Variants in CALN1 observed in about 807,000 individuals in gnomAD.
CALN1 encodes the protein calneuron 1.
A neutral mutation model predicts 30.6 loss-of-function variants in CALN1; 17 were observed. The ratio of observed to expected loss-of-function variants is 0.56; its 90% CI spans 0.38 to 0.83. The LOEUF is 0.83. Ranked by LOEUF, CALN1 falls within the 40% of genes least tolerant of loss-of-function variation. CALN1 has a pLI of 0.00. For synonymous variants in CALN1, 156 were observed against 131.4 expected, an observed-to-expected ratio of 1.19 and a Z score of -1.28; for missense variants, 291 against 354.9, an observed-to-expected ratio of 0.82 and a Z score of 1.45.
intron 2 of CALN1, among the ~76,000 whole-genome samples, chr7:72,316,606 A>G (rs1337902871): frequency 1.3e-5 from 2 of 152,046 alleles, no homozygotes; most frequent in Non-Finnish European, 2.9e-5. Flanking sequence ...CTTATCTTTA[A>G]AAGTTTAACC....
At chr7:72,203,979 C>CTAATTTTT (rs59798860) in intron 3 of CALN1, among the ~76,000 whole-genome samples, 2 of 83,808 alleles carry the variant, frequency 2.4e-5, no homozygotes, top group South Asian at 9.4e-4. Flanking sequence ...AGGCCTCTCT[C>CTAATTTTT]TTTTTTTTTT....
intron 4 of CALN1, among the ~76,000 whole-genome samples, chr7:72,078,075 G>A (rs974456868): frequency 1.7e-4 from 26 of 152,288 alleles, no homozygotes; most frequent in Non-Finnish European, 1.5e-4. Context: ...GTAAATGAGG[G>A]AAGAATCTAT....
At chr7:72,261,495 G>C (rs760043805) in intron 3 of CALN1, among the ~76,000 whole-genome samples, 7 of 151,478 alleles carry the variant, frequency 4.6e-5, no homozygotes, top group Non-Finnish European at 1.0e-4. Context: ...TGCGATCATA[G>C]CTCACTGCAG....
intron 2 of CALN1, among the ~76,000 whole-genome samples, chr7:72,356,566 G>C (rs571514981): frequency 1.3e-5 from 2 of 151,938 alleles, no homozygotes; most frequent in South Asian, 4.1e-4. Context: ...TAACAAGGAC[G>C]ACTAAAATTG....
At chr7:72,346,173 G>A (rs190112871) in intron 2 of CALN1, among the ~76,000 whole-genome samples, 12 of 152,036 alleles carry the variant, frequency 7.9e-5, no homozygotes, top group Non-Finnish European at 1.6e-4. Context: ...AATTTTTAAA[G>A]GTCAAATGGT....
chr7:72,449,319 G>T (rs887387273), upstream of CALN1, among the ~76,000 whole-genome samples: 1 of 152,172 alleles, frequency 6.6e-6, no homozygotes, highest in East Asian at 1.9e-4. Flanking sequence ...ATCTGAGCAG[G>T]ATCATCTCTA....
intron 5 of CALN1, among the ~76,000 whole-genome samples, chr7:71,920,035 G>A (rs1382813997): frequency 6.6e-6 from 1 of 152,184 alleles, no homozygotes; most frequent in African/African-American, 2.4e-5. Flanking sequence ...TTCTTGGGAA[G>A]GTACAATGTT....
chr7:72,443,643 A>C (rs1481254978), intron 1 of CALN1, among the ~76,000 whole-genome samples: 1 of 151,754 alleles, frequency 6.6e-6, no homozygotes, highest in Non-Finnish European at 1.5e-5. Flanking sequence ...GCCTTTCCCA[A>C]GGCCAAGATC....
chr7:72,176,389 T>G (rs969453757), intron 3 of CALN1, among the ~76,000 whole-genome samples: 10 of 152,202 alleles, frequency 6.6e-5, no homozygotes, highest in Admixed American at 3.3e-4. Context: ...TCAAATCTCT[T>G]GTTGAAATAT....
At chr7:72,197,394 G>C (rs900058800) in intron 3 of CALN1, among the ~76,000 whole-genome samples, 15 of 151,818 alleles carry the variant, frequency 9.9e-5, no homozygotes, top group African/African-American at 3.6e-4. Context: ...TAGAGACGGG[G>C]TTTTGCCATG....
rs773627788 is a variant in CALN1, at chr7:71,810,348, CTGTT to C, written c.642_645del (p.Thr215SerfsTer34). 6.2e-7 allele frequency: 1 copy of C among 1,613,822 alleles called. No homozygotes were observed. The highest frequency in any genetic ancestry group is 1.3e-5 in the African/African-American group (1 of 74,924). The stretch of plus-strand genomic sequence containing the variant: ...CAGGGGCACCTACCTCCTTCAAACT[CTGTT>C]TGGCAGTTCCCCGAGGTCTCATTCA... On this transcript the variant is annotated frameshift_variant, in exon 6 of 7. Coordinates refer to ENST00000395275, the MANE Select transcript of CALN1 (RefSeq NM_031468.4). LOFTEE classifies it high-confidence loss of function.
chr7:71,985,972 ATGTAT>A (rs937793891), intron 5 of CALN1, among the ~76,000 whole-genome samples: 1 of 152,158 alleles, frequency 6.6e-6, no homozygotes, highest in African/African-American at 2.4e-5. Context: ...ATGAGACTGG[ATGTAT>A]TGATGATGGT....
At chr7:71,789,542 G>C (rs1348783625) in intron 6 of CALN1, among the ~76,000 whole-genome samples, 1 of 152,118 alleles carries the variant, frequency 6.6e-6, no homozygotes, top group African/African-American at 2.4e-5. Flanking sequence ...CTGAAGTTGG[G>C]GAAGTGGGGA....
chr7:72,181,362 T>A (rs749156520), intron 3 of CALN1, among the ~76,000 whole-genome samples: 6 of 151,852 alleles, frequency 4.0e-5, no homozygotes, highest in Non-Finnish European at 5.9e-5. Context: ...TTATTATTTT[T>A]TTACTGCTTA....
At chr7:71,903,627 C>T (rs1282717506) in intron 5 of CALN1, among the ~76,000 whole-genome samples, 4 of 152,148 alleles carry the variant, frequency 2.6e-5, no homozygotes, top group Non-Finnish European at 5.9e-5. Flanking sequence ...TGAAAAGCTT[C>T]ATGACATTGG....
intron 4 of CALN1, among the ~76,000 whole-genome samples, chr7:72,092,465 C>A (rs970465051): frequency 1.3e-5 from 2 of 151,920 alleles, no homozygotes; most frequent in Non-Finnish European, 2.9e-5. Flanking sequence ...TATATACACA[C>A]ATTCCGTGTC....
At chr7:71,987,152 C>T (rs545367159) in intron 5 of CALN1, among the ~76,000 whole-genome samples, 9 of 152,140 alleles carry the variant, frequency 5.9e-5, no homozygotes, top group Non-Finnish European at 1.0e-4. Flanking sequence ...CTCCTCCACA[C>T]TGAAGTCACA....
At chr7:72,035,000 C>T (rs1801705653) in intron 4 of CALN1, among the ~76,000 whole-genome samples, 1 of 151,984 alleles carries the variant, frequency 6.6e-6, no homozygotes, top group African/African-American at 2.4e-5. Flanking sequence ...CAGACATGTA[C>T]CCACTCCCGA....
At chr7:72,099,029 C>T (rs2129540527) in intron 4 of CALN1, among the ~76,000 whole-genome samples, 1 of 152,322 alleles carries the variant, frequency 6.6e-6, no homozygotes, top group Non-Finnish European at 1.5e-5. Context: ...ACTTGAGTTG[C>T]ACAGACAAAC....
Sources: gnomAD v4.1 joint callset for allele counts (sites outside exome capture counted in the v4.1 genomes callset) on GRCh38, gnomAD v4.1.1 for gene constraint, MANE v1.5 for transcripts, NCBI Gene and HGNC (gene_info 2026-07-23, HGNC 2026-07-21) for gene names.